PRRC2B: variants seen among roughly 807,000 people sequenced by gnomAD.
PRRC2B encodes proline rich coiled-coil 2B, also known as protein PRRC2B.
A neutral mutation model predicts 242.3 loss-of-function variants in PRRC2B; 68 were observed. That is an observed-to-expected ratio of 0.28 (90% confidence interval 0.23 to 0.34). The LOEUF is 0.34. PRRC2B is among the 10% of genes least tolerant of loss of function. PRRC2B has a pLI of 1.00. For missense variants in PRRC2B, 2,835 were observed against 2,954.8 expected, an observed-to-expected ratio of 0.96 and a Z score of 0.94; for synonymous variants, 1,228 against 1,173.6, an observed-to-expected ratio of 1.05 and a Z score of -0.95.
intron 1 of PRRC2B, among the ~76,000 whole-genome samples, chr9:131,387,616 G>A (rs1836842243): frequency 6.7e-6 from 1 of 149,458 alleles, no homozygotes; most frequent in African/African-American, 2.4e-5. Flanking sequence ...AGACAGATGC[G>A]GTCATCCTGC....
At chr9:131,441,232 A>G (rs1367978646) in intron 5 of PRRC2B, among the ~76,000 whole-genome samples, 2 of 152,236 alleles carry the variant, frequency 1.3e-5, no homozygotes, top group Non-Finnish European at 2.9e-5. Flanking sequence ...GGTAACAGAA[A>G]ACTGCCAGTT....
chr9:131,374,920 C>G (rs1244970969), intron 1 of PRRC2B, among the ~76,000 whole-genome samples: 2 of 151,708 alleles, frequency 1.3e-5, no homozygotes. Context: ...CCCCAGGGTA[C>G]CACTGCCTCT....
At chr9:131,397,306 C>T (rs937418389) in intron 1 of PRRC2B, among the ~76,000 whole-genome samples, 4 of 152,212 alleles carry the variant, frequency 2.6e-5, no homozygotes, top group Non-Finnish European at 4.4e-5. Flanking sequence ...CCATCTCGTA[C>T]AGTGGCCGTC....
chr9:131,488,026 T>C lies in PRRC2B; in HGVS notation c.6155T>C (p.Val2052Ala). Residue 2052 changes from valine (V) to alanine (A), a missense_variant, in exon 28 of 32, where the codon GTC becomes GCC. Val to Ala is a moderately conservative substitution (Grantham distance 64). Coordinates refer to ENST00000683519, the MANE Select transcript of PRRC2B (RefSeq NM_013318.4). ...YQPMSGNQAL[V>A]YEGQLSQAAG... Reference sequence around the variant, plus strand: ...CCCATGAGCGGGAACCAAGCCCTGGTCTACGAGGGCCAGCTCAGCCAGGCT... The same window carrying C: ...CCCATGAGCGGGAACCAAGCCCTGGCCTACGAGGGCCAGCTCAGCCAGGCT... 1 of 1,612,702 alleles carries C rather than the reference T, an allele frequency of 6.2e-7. No individual in the cohort carries two copies. Among genetic ancestry groups the C allele is most frequent in the Non-Finnish European group, 8.5e-7 (1 of 1,179,326 alleles).
At chr9:131,467,520 C>G in intron 12 of PRRC2B, 43 bp from the exon 13 acceptor site, 1 of 1,489,794 alleles carries the variant, frequency 6.7e-7, no homozygotes, top group Non-Finnish European at 9.1e-7. Flanking sequence ...GGCTGAGCTT[C>G]TGTGAGCTCA....
intron 1 of PRRC2B, among the ~76,000 whole-genome samples, chr9:131,386,277 T>G (rs1836825192): frequency 6.7e-6 from 1 of 150,212 alleles, no homozygotes; most frequent in Non-Finnish European, 1.5e-5. Flanking sequence ...CATTCTCGGC[T>G]AATTTTTTAA....
At chr9:131,395,921 C>T (rs917135905) in intron 1 of PRRC2B, among the ~76,000 whole-genome samples, 14 of 152,202 alleles carry the variant, frequency 9.2e-5, no homozygotes, top group African/African-American at 3.4e-4. Flanking sequence ...CCAAGGAGTC[C>T]TGCCTTCTGA....
chr9:131,465,972 G>T (rs1943385362), intron 12 of PRRC2B, among the ~76,000 whole-genome samples: 1 of 152,214 alleles, frequency 6.6e-6, no homozygotes, highest in Admixed American at 6.5e-5. Flanking sequence ...TGATCCACCT[G>T]GCTTGGCCTC....
intron 1 of PRRC2B, among the ~76,000 whole-genome samples, chr9:131,408,599 T>A (rs1480108048): frequency 1.3e-5 from 2 of 152,240 alleles, no homozygotes; most frequent in African/African-American, 4.8e-5. Context: ...AGTAGCTTCC[T>A]GCATTTGTAG....
At chr9:131,420,496 T>TCGTTC (rs59621148) in intron 1 of PRRC2B, among the ~76,000 whole-genome samples, 13 of 75,920 alleles carry the variant, frequency 1.7e-4, no homozygotes, top group African/African-American at 6.4e-4. Flanking sequence ...TTTCTTTCTT[T>TCGTTC]TTTTTTTTTT....
chr9:131,487,744 T>G lies in PRRC2B; in HGVS notation c.5985-112T>G. The G allele has an allele frequency of 7.1e-7, 1 of 1,416,346 alleles. No individual in the cohort carries two copies. The highest frequency in any genetic ancestry group is 2.4e-5 in the East Asian group (1 of 41,844). The allele number at this position is 1,416,346 out of a possible 1,614,324, so 87.7% of individuals were successfully genotyped here. On this transcript the variant is annotated intron_variant, in intron 27 of 31. Coordinates refer to ENST00000683519, the MANE Select transcript of PRRC2B (RefSeq NM_013318.4). The surrounding 1 kb of genome is among the most constrained non-coding windows in gnomAD (Gnocchi z 5.3). Reference sequence around the variant, plus strand: ...GACCCTCTGAGTCGCGCTCTGGGGGTGGGGCCGGGGATCTGTGGTTTAGCA... The same window carrying G: ...GACCCTCTGAGTCGCGCTCTGGGGGGGGGGCCGGGGATCTGTGGTTTAGCA...
chr9:131,484,848 C>A lies in PRRC2B; in HGVS notation c.5565+58C>A, dbSNP rs979992779. The A allele has an allele frequency of 1.0e-5, 16 of 1,563,624 alleles. No homozygotes were observed. The African/African-American group carries it at 2.0e-4, about 20-fold the overall frequency. On this transcript the variant is annotated intron_variant, in intron 24 of 31. Transcript: ENST00000683519. The stretch of plus-strand genomic sequence containing the variant: ...CCCAGTACCTTAGCTTACAAAGAGG[C>A]AGAAGGGAGGAGTCCCCGAACCCCT...
intron 9 of PRRC2B, among the ~76,000 whole-genome samples, chr9:131,452,560 A>G (rs1296623279): frequency 6.6e-6 from 1 of 152,094 alleles, no homozygotes; most frequent in African/African-American, 2.4e-5. Context: ...ATCTGTAGTG[A>G]TATCTTTTAA....
intron 1 of PRRC2B, among the ~76,000 whole-genome samples, chr9:131,402,494 A>G (rs1295798985): frequency 6.6e-6 from 1 of 152,202 alleles, no homozygotes; most frequent in Non-Finnish European, 1.5e-5. Flanking sequence ...TTATTCATTC[A>G]GCGACGGGCA....
At chr9:131,421,576 T>C (rs1319319032) in intron 1 of PRRC2B, among the ~76,000 whole-genome samples, 1 of 152,208 alleles carries the variant, frequency 6.6e-6, no homozygotes, top group African/African-American at 2.4e-5. Flanking sequence ...TAAAGAGACA[T>C]TCCACCTTTC....
upstream of PRRC2B, among the ~76,000 whole-genome samples, chr9:131,390,922 G>A (rs560659422): frequency 6.6e-6 from 1 of 151,662 alleles, no homozygotes; most frequent in East Asian, 1.9e-4. Flanking sequence ...GAGTAGCTGG[G>A]ATTACAGGCA....
rs570091089 is a variant in PRRC2B, at chr9:131,401,524, A to AT, written c.-52+7268dup. On this transcript the variant is annotated intron_variant, in intron 1 of 31. Transcript: ENST00000683519. ...GCCACCACACCCAGCTAATTTTTGTATTTTTTTGTAGAGACGGGGTTTCAC... is the reference window on the plus strand; with the variant it reads ...GCCACCACACCCAGCTAATTTTTGTATTTTTTTTGTAGAGACGGGGTTTCAC... Among the ~76,000 whole-genome samples, 7 of 150,654 alleles carry AT rather than the reference A, an allele frequency of 4.6e-5. No individual in the cohort carries two copies. The South Asian group carries it at 1.0e-3, about 23-fold the overall frequency.
At chr9:131,479,128 G>C in intron 18 of PRRC2B, 124 bp from the exon 19 acceptor site, 11 of 975,706 alleles carry the variant, frequency 1.1e-5, no homozygotes, top group African/African-American at 1.6e-5. Flanking sequence ...GGAGACGAGC[G>C]TTCCACACAT....
chr9:131,431,492 C>T (rs1475362732), intron 2 of PRRC2B, among the ~76,000 whole-genome samples: 3 of 151,496 alleles, frequency 2.0e-5, no homozygotes, highest in African/African-American at 4.9e-5. Flanking sequence ...CTCGAACTCC[C>T]GACCTTAGGT....
Sources: allele counts gnomAD v4.1 joint callset (sites outside exome capture counted in the v4.1 genomes callset), GRCh38; gene constraint gnomAD v4.1.1; non-coding constraint Gnocchi (gnomAD v3.1); transcripts MANE v1.5; gene names NCBI Gene and HGNC (gene_info 2026-07-23, HGNC 2026-07-21).